KIF13A: variants seen among roughly 807,000 people sequenced by gnomAD.
The protein encoded by KIF13A is kinesin family member 13A.
A neutral mutation model predicts 212.2 loss-of-function variants in KIF13A; 79 were observed. The observed-to-expected ratio is 0.37, with a 90% CI of 0.31 to 0.45. KIF13A has a LOEUF of 0.45. Among genes scored for constraint, KIF13A ranks in the 20% least tolerant of loss-of-function variants. The pLI, the probability that KIF13A is intolerant of heterozygous loss-of-function variation, is 1.00. For synonymous variants in KIF13A, 789 were observed against 808.6 expected, an observed-to-expected ratio of 0.98 and a Z score of 0.41; for missense variants, 1,901 against 2,209.0, an observed-to-expected ratio of 0.86 and a Z score of 2.79.
rs1163424570 is a variant in KIF13A at position 17,828,951 on chromosome 6, G to GA, written c.1402-582dup. Among the ~76,000 whole-genome samples the GA allele has an allele frequency of 8.6e-6, 1 of 115,758 alleles. No homozygotes were observed. Among genetic ancestry groups the GA allele is most frequent in the Non-Finnish European group, 1.9e-5 (1 of 51,434 alleles). The allele number at this position is 115,758 out of a possible 152,430, so 75.9% of individuals were successfully genotyped here. On this transcript the variant is annotated intron_variant, in intron 13 of 38. Coordinates refer to ENST00000259711, the MANE Select transcript of KIF13A (RefSeq NM_022113.6). This position sits in a 1 kb window ranked among gnomAD's most constrained non-coding sequence, Gnocchi z 4.3. ...TGGGTCATACCATGTACAAACGTGTGATTTTTTTTTTTTTGACATGGTGTC... is the reference window on the plus strand; with the variant it reads ...TGGGTCATACCATGTACAAACGTGTGAATTTTTTTTTTTTTGACATGGTGTC...
intron 6 of KIF13A, among the ~76,000 whole-genome samples, chr6:17,853,719 A>G (rs1189741962): frequency 1.3e-5 from 2 of 152,214 alleles, no homozygotes; most frequent in African/African-American, 4.8e-5. Flanking sequence ...ATCACCAAAG[A>G]ACACATATAT....
At chr6:17,922,286 C>A (rs1205791382) in intron 2 of KIF13A, among the ~76,000 whole-genome samples, 1 of 152,104 alleles carries the variant, frequency 6.6e-6, no homozygotes, top group Non-Finnish European at 1.5e-5. Flanking sequence ...TTGGAAATTC[C>A]CAACCCCCAA....
intron 2 of KIF13A, among the ~76,000 whole-genome samples, chr6:17,976,629 G>A (rs1301750999): frequency 6.6e-6 from 1 of 152,202 alleles, no homozygotes; most frequent in Non-Finnish European, 1.5e-5. Flanking sequence ...CCAGAAAGGG[G>A]ATCCCACAGT....
At chr6:17,830,416 G>A (rs7769663) in intron 13 of KIF13A, among the ~76,000 whole-genome samples, 32,233 of 152,030 alleles carry the variant, frequency 0.21, 3,493 homozygotes, top group South Asian at 0.31. Context: ...CAGTAAACAC[G>A]GATATAACCC....
intron 20 of KIF13A, among the ~76,000 whole-genome samples, chr6:17,802,363 C>T (rs1762539345): frequency 6.6e-6 from 1 of 151,098 alleles, no homozygotes; most frequent in South Asian, 2.1e-4. Context: ...GCGATCTCGG[C>T]TCACAGCAAC....
chr6:17,980,139 G>A (rs1480389244), intron 2 of KIF13A, among the ~76,000 whole-genome samples: 1 of 152,056 alleles, frequency 6.6e-6, no homozygotes, highest in African/African-American at 2.4e-5. Flanking sequence ...AGATTCCAGA[G>A]GGGAATAAAC....
rs557066417 is a variant in KIF13A, at chr6:17,775,849, A to AT, written c.4171-788dup. ...TGATCAGATTGAGGTTGAAAAAAAT[A>AT]TTTTTTTTTTTAGATTACTTCATAA... On this transcript the variant is annotated intron_variant, in intron 34 of 38. Coordinates refer to ENST00000259711, the MANE Select transcript of KIF13A (RefSeq NM_022113.6). Among the ~76,000 whole-genome samples, 185 of 147,806 alleles carry AT rather than the reference A, an allele frequency of 1.3e-3. 3 individuals carry two copies. Among genetic ancestry groups the AT allele is most frequent in the African/African-American group, 3.4e-3 (138 of 40,462 alleles).
At chr6:17,887,724 G>A (rs776406333) in intron 3 of KIF13A, among the ~76,000 whole-genome samples, 6 of 151,822 alleles carry the variant, frequency 4.0e-5, no homozygotes, top group Non-Finnish European at 5.9e-5. Context: ...TCAGAGTCTC[G>A]CTCTTGTTGC....
At chr6:17,767,355 A>T (rs1005521772) in intron 38 of KIF13A, among the ~76,000 whole-genome samples, 1 of 152,198 alleles carries the variant, frequency 6.6e-6, no homozygotes, top group South Asian at 2.1e-4. Context: ...CCCGAGTTCA[A>T]GTGATTCTCC....
Position 17,982,501 on chromosome 6 carries a change from A to G in KIF13A, c.146+4553T>C. ...AGTTTAGTAAGAGGAAGCTTTCTTC[A>G]ACTGACCCTCCCTCACACGATTTGC... On this transcript the variant is annotated intron_variant, in intron 2 of 38. Transcript: ENST00000259711. The surrounding 1 kb of genome is among the most constrained non-coding windows in gnomAD (Gnocchi z 5.1). 1.2e-6 allele frequency: 1 copy of G among 837,506 alleles called. No individual in the cohort carries two copies. The highest frequency in any genetic ancestry group is 5.5e-5 in the South Asian group (1 of 18,268). The allele number at this position is 837,506 out of a possible 1,614,324, so 51.9% of individuals were successfully genotyped here. A position where few individuals can be genotyped will look rare whatever the true frequency, so the allele number is the denominator to read the frequency against.
intron 17 of KIF13A, chr6:17,815,456 T>C (rs1264504454): frequency 5.7e-6 from 1 of 176,600 alleles, no homozygotes; most frequent in African/African-American, 2.4e-5. Flanking sequence ...CTGACGCTAC[T>C]GCTAGACCAA....
At chr6:17,966,874 T>C (rs2150599293) in intron 2 of KIF13A, among the ~76,000 whole-genome samples, 1 of 152,280 alleles carries the variant, frequency 6.6e-6, no homozygotes, top group East Asian at 1.9e-4. Flanking sequence ...TTACATGAAG[T>C]TGGAAATTAA....
intron 2 of KIF13A, among the ~76,000 whole-genome samples, chr6:17,905,001 G>A (rs531541968): frequency 1.3e-5 from 2 of 152,326 alleles, no homozygotes; most frequent in Admixed American, 6.5e-5. Context: ...ACAGGTCATC[G>A]AAATCTTCTA....
At chr6:17,927,651 C>T (rs190985684) in intron 2 of KIF13A, among the ~76,000 whole-genome samples, 116 of 152,272 alleles carry the variant, frequency 7.6e-4, no homozygotes, top group African/African-American at 2.5e-3. Context: ...CACTTTTAAA[C>T]GGCTAAAATG....
intron 4 of KIF13A, among the ~76,000 whole-genome samples, chr6:17,868,984 CCT>C (rs2150427879): frequency 1.5e-5 from 1 of 66,406 alleles, no homozygotes; most frequent in African/African-American, 8.1e-5. Context: ...AGGGAGACTC[CCT>C]CTCAAAAAAA....
At chr6:17,942,759 C>T (rs890275649) in intron 2 of KIF13A, among the ~76,000 whole-genome samples, 1 of 152,082 alleles carries the variant, frequency 6.6e-6, no homozygotes, top group Non-Finnish European at 1.5e-5. Context: ...AGGTAGATAC[C>T]CTGAGGTCAG....
At chr6:17,942,107 C>A (rs1484985601) in intron 2 of KIF13A, among the ~76,000 whole-genome samples, 2 of 151,858 alleles carry the variant, frequency 1.3e-5, no homozygotes, top group African/African-American at 4.8e-5. Context: ...TCAAGACCAG[C>A]CTGGACAACA....
chr6:17,923,093 G>A (rs1221989764), intron 2 of KIF13A, among the ~76,000 whole-genome samples: 4 of 151,524 alleles, frequency 2.6e-5, no homozygotes, highest in Admixed American at 1.3e-4. Context: ...GCAACATGGC[G>A]AAACCCTGTC....
intron 2 of KIF13A, among the ~76,000 whole-genome samples, chr6:17,923,843 G>A (rs1017847890): frequency 6.6e-6 from 1 of 152,090 alleles, no homozygotes; most frequent in Non-Finnish European, 1.5e-5. Flanking sequence ...AGATGTCAGT[G>A]AGGGCACAAC....
Sources: gnomAD v4.1 joint callset for allele counts (sites outside exome capture counted in the v4.1 genomes callset) on GRCh38, gnomAD v4.1.1 for gene constraint, Gnocchi (gnomAD v3.1) non-coding constraint, MANE v1.5 for transcripts, NCBI Gene and HGNC (gene_info 2026-07-23, HGNC 2026-07-21) for gene names.